Variants in CNNM3 observed in about 807,000 individuals in gnomAD.
CNNM3 encodes the protein metal transporter CNNM3.
A neutral mutation model predicts 57.1 loss-of-function variants in CNNM3; 47 were observed. That is an observed-to-expected ratio of 0.82 (90% CI 0.65 to 1.05). The LOEUF is 1.05. CNNM3 is among the 50% of genes least tolerant of loss of function. CNNM3 has a pLI of 0.00. For synonymous variants in CNNM3, 507 were observed against 478.2 expected, an observed-to-expected ratio of 1.06 and a Z score of -0.79; for missense variants, 957 against 973.7, an observed-to-expected ratio of 0.98 and a Z score of 0.23.
intron 2 of CNNM3, 94 bp from the exon 3 acceptor site, chr2:96,826,739 T>C: frequency 6.8e-7 from 1 of 1,469,212 alleles, no homozygotes; most frequent in Non-Finnish European, 9.3e-7. Context: ...CCCCCTGGCC[T>C]CAGGAGGAAG....
At chr2:96,835,412 G>A (rs557960990), downstream of CNNM3, among the ~76,000 whole-genome samples, 1 of 152,184 alleles carries the variant, frequency 6.6e-6, no homozygotes, top group South Asian at 2.1e-4. Context: ...TAGTTTTCGA[G>A]GAGTGTAAAT....
downstream of CNNM3, chr2:96,837,120 A>G (rs896762554): frequency 1.3e-5 from 2 of 152,236 alleles, no homozygotes; most frequent in Admixed American, 6.5e-5. Flanking sequence ...TCACATAGCT[A>G]TATAGTAGAT....
chr2:96,835,417 G>A (rs577785234), downstream of CNNM3, among the ~76,000 whole-genome samples: 2 of 151,362 alleles, frequency 1.3e-5, no homozygotes, highest in South Asian at 4.2e-4. Flanking sequence ...TTCGAGGAGT[G>A]TAAATGCTTG....
At chr2:96,824,912 A>G (rs2079472192) in intron 1 of CNNM3, 146 bp from the exon 2 acceptor site, 1 of 845,712 alleles carries the variant, frequency 1.2e-6, no homozygotes, top group Admixed American at 2.8e-5. Flanking sequence ...CTTAAGTAAA[A>G]ACCTAGAAAA....
At chr2:96,823,098 T>C (rs1390651977) in intron 1 of CNNM3, among the ~76,000 whole-genome samples, 4 of 152,194 alleles carry the variant, frequency 2.6e-5, no homozygotes, top group Non-Finnish European at 4.4e-5. Flanking sequence ...TCTAGACCCC[T>C]CAGACATTCT....
At position 96,834,329 on chromosome 2, in the gene CNNM3, AT is replaced by A. The variant is rs1228418772; in HGVS notation, c.*1716del. ...CATCAGAGTTTTCAATTTTTTATTT[AT>A]TTATTATTATTATTATTATTATTAT... On this transcript the variant is annotated 3_prime_UTR_variant, in exon 8 of 8. Coordinates refer to ENST00000305510, the MANE Select transcript of CNNM3 (RefSeq NM_017623.5). Among the ~76,000 whole-genome samples the A allele has an allele frequency of 5.9e-5, 8 of 134,954 alleles. No individual in the cohort carries two copies. The highest frequency in any genetic ancestry group is 9.1e-5 in the Non-Finnish European group (6 of 65,650). The allele number at this position is 134,954 out of a possible 152,430, so 88.5% of individuals were successfully genotyped here.
At chr2:96,817,621 T>TCTAAGGTCCCTTTTCAAGAC in intron 1 of CNNM3, 119 bp downstream of exon 1, 1 of 946,976 alleles carries the variant, frequency 1.1e-6, no homozygotes, top group Non-Finnish European at 1.6e-6. Flanking sequence ...CAGTGAGACC[T>TCTAAGGTCCCTTTTCAAGAC]CTAAGGTCCC....
chr2:96,824,867 A>G, intron 1 of CNNM3, 191 bp from the exon 2 acceptor site: 1 of 634,710 alleles, frequency 1.6e-6, no homozygotes, highest in South Asian at 2.0e-5. Flanking sequence ...AACCTGTGTG[A>G]AAATAAGGCC....
At position 96,832,921 on chromosome 2, in the gene CNNM3, G is replaced by T; in HGVS notation, c.*305G>T. The T allele has an allele frequency of 1.4e-6, 2 of 1,432,088 alleles. No individual in the cohort carries two copies. The highest frequency in any genetic ancestry group is 1.9e-6 in the Non-Finnish European group (2 of 1,080,926). 88.7% of individuals were successfully genotyped at this position (1,432,088 alleles called of 1,614,324 possible). ...GGGCCCAGCCTTCCCCTTCTCCCCC[G>T]GGGCAGGGACAGTGCGGCATATTCA... On this transcript the variant is annotated 3_prime_UTR_variant, in exon 8 of 8. Coordinates refer to ENST00000305510, the MANE Select transcript of CNNM3 (RefSeq NM_017623.5).
Position 96,832,659 on chromosome 2 carries a change from G to C in CNNM3, c.*43G>C. 6.2e-7 allele frequency: 1 copy of C among 1,609,310 alleles called. No homozygotes were observed. Among genetic ancestry groups the C allele is most frequent in the Non-Finnish European group, 8.5e-7 (1 of 1,179,814 alleles). On this transcript the variant is annotated 3_prime_UTR_variant, in exon 8 of 8. Coordinates refer to ENST00000305510, the MANE Select transcript of CNNM3 (RefSeq NM_017623.5). ...CCAGATCTGGGGAACAGATGAGCAC[G>C]TGGGGAGCTGGAGTGAGCTGAGCAG...
At chr2:96,822,678 G>A (rs187907586) in intron 1 of CNNM3, among the ~76,000 whole-genome samples, 263 of 152,290 alleles carry the variant, frequency 1.7e-3, no homozygotes, top group African/African-American at 3.1e-3. Context: ...TTGCCATGAT[G>A]CGGAAAAGAG....
At chr2:96,835,939 T>G (rs1047108711), downstream of CNNM3, among the ~76,000 whole-genome samples, 1 of 152,226 alleles carries the variant, frequency 6.6e-6, no homozygotes, top group Non-Finnish European at 1.5e-5. Context: ...CACCTGTGTT[T>G]CGCTTCAGTG....
At chr2:96,832,523 G>A (rs1342354905) in intron 7 of CNNM3, 29 bp from the exon 8 acceptor site, 1 of 1,613,854 alleles carries the variant, frequency 6.2e-7, no homozygotes, top group East Asian at 2.2e-5. Context: ...CAGCTTTGAT[G>A]TTAATTCTCC....
chr2:96,817,135 G>A lies in CNNM3; in HGVS notation c.858G>A (p.Leu286=), dbSNP rs532654967. The A allele has an allele frequency of 4.2e-5, 57 of 1,356,140 alleles. No individual in the cohort carries two copies. The African/African-American group carries it at 8.2e-4, about 20-fold the overall frequency. 84.0% of individuals were successfully genotyped at this position (1,356,140 alleles called of 1,614,324 possible). The change falls in exon 1 of 8, where the codon CTG becomes CTA. Residue 286 remains leucine, a synonymous_variant. Transcript: ENST00000305510. ...AGCTGGCGGCGCGGCCCGGGCGGCT[G>A]CGGGAGCGGGTGCTGGAGCTGGCGC... The part of the protein sequence containing the change: ...LLELAARPGR[L]RERVLELARG...
Position 96,828,730 on chromosome 2 carries a change from G to T in CNNM3, c.1920+30G>T, listed in dbSNP as rs200074384. 1.2e-5 allele frequency: 19 copies of T among 1,613,028 alleles called. No homozygotes were observed. The East Asian group carries it at 3.3e-4, about 28-fold the overall frequency. On this transcript the variant is annotated intron_variant, in intron 6 of 7. Transcript: ENST00000305510. ...CTGCCTGGGCTGCTTGTGGGTGCTG[G>T]CTTTAGCCGACTTTGTGTCACCGGG...
chr2:96,824,089 ATTAC>A (rs1327526313), intron 1 of CNNM3, among the ~76,000 whole-genome samples: 2 of 152,206 alleles, frequency 1.3e-5, no homozygotes, highest in African/African-American at 4.8e-5. Context: ...CAGATTTTAA[ATTAC>A]TTAGGTGGCT....
Position 96,817,070 on chromosome 2 carries a change from C to G in CNNM3, c.793C>G (p.Leu265Val). Residue 265 changes from leucine to valine, a missense_variant, in exon 1 of 8, where the codon CTC (leucine) becomes GTC (valine). Transcript: ENST00000305510. ...CGGCCTCAGCCGCCTGGCCGTCCTGCTCACTCTGCCCGTCGCGCTGCCCGT... is the reference window on the plus strand; with the variant it reads ...CGGCCTCAGCCGCCTGGCCGTCCTGGTCACTCTGCCCGTCGCGCTGCCCGT... ...ALGLSRLAVL[L>V]TLPVALPVGQ... 2 of 1,362,300 alleles carry G rather than the reference C, an allele frequency of 1.5e-6. No homozygotes were observed. The highest frequency in any genetic ancestry group is 6.4e-5 in the East Asian group (2 of 31,364). 84.4% of individuals were successfully genotyped at this position (1,362,300 alleles called of 1,614,324 possible). A position where few individuals can be genotyped will look rare whatever the true frequency, so the allele number is the denominator to read the frequency against.
chr2:96,830,082 C>T (rs2079575783), intron 7 of CNNM3, among the ~76,000 whole-genome samples: 1 of 152,176 alleles, frequency 6.6e-6, no homozygotes. Context: ...GAAGTGTAGG[C>T]TGTGGGTAGG....
In CNNM3 at chr2:96,828,784, G is replaced by A. The variant is rs376792071; in HGVS notation, c.1920+84G>A. On this transcript the variant is annotated intron_variant, in intron 6 of 7. Coordinates refer to ENST00000305510, the MANE Select transcript of CNNM3 (RefSeq NM_017623.5). The stretch of plus-strand genomic sequence containing the variant: ...TAGACCAGCTGGTCTGAGACTGCCC[G>A]GAACAAGGCCTTCCACTCATCCTGA... 4.3e-5 allele frequency: 67 copies of A among 1,565,084 alleles called. No homozygotes were observed. The African/African-American group carries it at 4.9e-4, about 11-fold the overall frequency.
Sources: gnomAD v4.1 joint callset for allele counts (sites outside exome capture counted in the v4.1 genomes callset) on GRCh38, gnomAD v4.1.1 for gene constraint, MANE v1.5 for transcripts, NCBI Gene and HGNC (gene_info 2026-07-23, HGNC 2026-07-21) for gene names.